Variants in DNAH11 observed in about 807,000 individuals in gnomAD.
DNAH11 encodes the protein axonemal beta dynein heavy chain 11.
A neutral mutation model predicts 526.0 loss-of-function variants in DNAH11; 442 were observed. That is an observed-to-expected ratio of 0.84 (90% CI 0.78 to 0.91). The LOEUF is 0.91. Among genes scored for constraint, DNAH11 ranks in the 40% least tolerant of loss-of-function variants. The pLI is 0.00. For missense variants in DNAH11, 6,989 were observed against 5,448.7 expected (o/e 1.28, Z -8.90); for synonymous variants, 2,461 against 1,935.9 (o/e 1.27, Z -7.12).
intron 2 of DNAH11, among the ~76,000 whole-genome samples, chr7:21,556,212 A>C (rs1033165490): frequency 6.6e-6 from 1 of 152,096 alleles, no homozygotes; most frequent in African/African-American, 2.4e-5. Flanking sequence ...TTAGGGGCTG[A>C]CCCATTCTCT....
chr7:21,675,746 A>G (rs1782851982), intron 30 of DNAH11, among the ~76,000 whole-genome samples: 1 of 152,224 alleles, frequency 6.6e-6, no homozygotes, highest in Non-Finnish European at 1.5e-5. Context: ...AAGCATGAGA[A>G]CATAACACAG....
intron 45 of DNAH11, among the ~76,000 whole-genome samples, chr7:21,731,099 G>A (rs1785363832): frequency 6.6e-6 from 1 of 151,938 alleles, no homozygotes; most frequent in African/African-American, 2.4e-5. Flanking sequence ...AGCCGAGAGT[G>A]CGCTATTGGA....
intron 28 of DNAH11, among the ~76,000 whole-genome samples, chr7:21,648,503 G>C (rs1333869322): frequency 6.6e-6 from 1 of 152,096 alleles, no homozygotes; most frequent in Non-Finnish European, 1.5e-5. Flanking sequence ...TGGATAATGA[G>C]ATGAACATGC....
chr7:21,730,750 C>G (rs1322833498), intron 45 of DNAH11, among the ~76,000 whole-genome samples: 1 of 152,094 alleles, frequency 6.6e-6, no homozygotes, highest in Non-Finnish European at 1.5e-5. Flanking sequence ...GAAATAAGTT[C>G]AAGAGATCTA....
At chr7:21,560,962 C>T (rs1783433591) in intron 4 of DNAH11, 109 bp from the exon 5 acceptor site, 1 of 759,562 alleles carries the variant, frequency 1.3e-6, no homozygotes, top group Non-Finnish European at 2.2e-6. Context: ...GTGTTAAATA[C>T]TGTATCACTT....
chr7:21,708,421 C>T (rs1049249213), intron 40 of DNAH11, among the ~76,000 whole-genome samples: 1 of 152,172 alleles, frequency 6.6e-6, no homozygotes, highest in Non-Finnish European at 1.5e-5. Flanking sequence ...ATAGATGCCA[C>T]GTTAGTTGAA....
At chr7:21,597,657 G>A (rs1167128147) in intron 14 of DNAH11, among the ~76,000 whole-genome samples, 1 of 152,130 alleles carries the variant, frequency 6.6e-6, no homozygotes, top group South Asian at 2.1e-4. Context: ...AGCAAGCGGG[G>A]GGTTGGGGCA....
chr7:21,735,854 C>T lies in DNAH11; in HGVS notation c.7645+10C>T, dbSNP rs751496370. 41 of 1,580,102 alleles carry T rather than the reference C, an allele frequency of 2.6e-5. No homozygotes were observed. Among genetic ancestry groups the T allele is most frequent in the South Asian group, 4.7e-5 (4 of 85,398 alleles). On this transcript the variant is annotated intron_variant, in intron 46 of 81. Transcript: ENST00000409508. ...TCCACAGCTCTGCAAAGTAAGTGCACCTGTTTATTTTCTAGAAACAAGGGA... is the reference window on the plus strand; with the variant it reads ...TCCACAGCTCTGCAAAGTAAGTGCATCTGTTTATTTTCTAGAAACAAGGGA...
intron 30 of DNAH11, among the ~76,000 whole-genome samples, chr7:21,670,064 C>G (rs2128469127): frequency 6.6e-6 from 1 of 152,154 alleles, no homozygotes; most frequent in South Asian, 2.1e-4. Context: ...TTTGTACAAA[C>G]CTAATTAATT....
chr7:21,603,203 CA>C (rs1445963965), intron 18 of DNAH11, among the ~76,000 whole-genome samples: 1 of 152,168 alleles, frequency 6.6e-6, no homozygotes, highest in African/African-American at 2.4e-5. Flanking sequence ...TAATGTTTTC[CA>C]GGTTCATTCA....
intron 61 of DNAH11, among the ~76,000 whole-genome samples, chr7:21,791,153 C>T (rs2127989450): frequency 6.6e-6 from 1 of 152,250 alleles, no homozygotes; most frequent in African/African-American, 2.4e-5. Flanking sequence ...GCAGGGCAGC[C>T]AGCAGAGTGA....
chr7:21,588,165 T>G lies in DNAH11; in HGVS notation c.1812T>G (p.Asp604Glu), dbSNP rs1474170963. The G allele has an allele frequency of 6.2e-7, 1 of 1,613,344 alleles. No individual in the cohort carries two copies. Among genetic ancestry groups the G allele is most frequent in the Non-Finnish European group, 8.5e-7 (1 of 1,179,642 alleles). ...TGCATATGTTTAATACAGAGCTGGATGTGTGTAAGCAACTGTATAATGAAC... is the reference window on the plus strand; with the variant it reads ...TGCATATGTTTAATACAGAGCTGGAGGTGTGTAAGCAACTGTATAATGAAC... ...TLVHMFNTEL[D>E]VCKQLYNEHM... The change falls in exon 10 of 82, where the codon GAT becomes GAG. Residue 604 changes from aspartate to glutamate, a missense_variant. By Grantham distance (45) the Asp-to-Glu change is conservative. Coordinates refer to ENST00000409508, the MANE Select transcript of DNAH11 (RefSeq NM_001277115.2).
chr7:21,602,574 T>C (rs1471511570), intron 18 of DNAH11, among the ~76,000 whole-genome samples: 1 of 97,822 alleles, frequency 1.0e-5, no homozygotes, highest in East Asian at 7.0e-4. Context: ...TGTGTGTGTG[T>C]GTGTGTGTGT....
chr7:21,836,277 G>A (rs905821487), intron 65 of DNAH11, among the ~76,000 whole-genome samples: 1 of 152,024 alleles, frequency 6.6e-6, no homozygotes, highest in African/African-American at 2.4e-5. Flanking sequence ...AATCAGAGAA[G>A]ACTCCAAATA....
At chr7:21,829,467 C>A (rs558778272) in intron 65 of DNAH11, among the ~76,000 whole-genome samples, 14 of 152,260 alleles carry the variant, frequency 9.2e-5, no homozygotes, top group African/African-American at 3.1e-4. Context: ...TGAAAAGATT[C>A]CTACTGCAGC....
chr7:21,629,567 A>G (rs1233419158), intron 25 of DNAH11, among the ~76,000 whole-genome samples: 2 of 152,010 alleles, frequency 1.3e-5, no homozygotes, highest in Admixed American at 6.6e-5. Context: ...TAGGTCTATT[A>G]ATGTTTGTGT....
At chr7:21,759,928 C>T (rs1443369621) in intron 54 of DNAH11, among the ~76,000 whole-genome samples, 1 of 152,196 alleles carries the variant, frequency 6.6e-6, no homozygotes, top group Non-Finnish European at 1.5e-5. Flanking sequence ...AAGTTCCTGA[C>T]ATCCAAATGT....
intron 61 of DNAH11, among the ~76,000 whole-genome samples, chr7:21,794,593 G>C (rs1239713764): frequency 6.6e-6 from 1 of 152,162 alleles, no homozygotes; most frequent in African/African-American, 2.4e-5. Context: ...CTGGGGGTTT[G>C]TGCCCAGAAG....
At chr7:21,635,740 A>G (rs1016838914) in intron 25 of DNAH11, 131 bp from the exon 26 acceptor site, 1 of 634,014 alleles carries the variant, frequency 1.6e-6, no homozygotes, top group Non-Finnish European at 2.5e-6. Context: ...AACTTATTAA[A>G]TGCCAGTTCC....
Sources: gnomAD v4.1 joint callset for allele counts (sites outside exome capture counted in the v4.1 genomes callset) on GRCh38, gnomAD v4.1.1 for gene constraint, MANE v1.5 for transcripts, NCBI Gene and HGNC (gene_info 2026-07-23, HGNC 2026-07-21) for gene names.